Variants in COMMD10 observed in about 807,000 individuals in gnomAD.
COMMD10 encodes the protein COMM domain containing 10.
Under a neutral mutation model 28.9 loss-of-function variants are expected in COMMD10, and 33 were observed. The observed-to-expected ratio is 1.14, with a 90% confidence interval of 0.87 to 1.53. The LOEUF is 1.53. Among genes scored for constraint, COMMD10 ranks in the 40% most tolerant of loss-of-function variants. COMMD10 has a pLI of 0.00. For missense variants in COMMD10, 310 were observed against 233.4 expected (o/e 1.33, Z -2.14); for synonymous variants, 110 against 81.7 (o/e 1.35, Z -1.87).
chr5:116,290,410 G>A (rs1005416236), intron 5 of COMMD10, among the ~76,000 whole-genome samples: 10 of 151,830 alleles, frequency 6.6e-5, no homozygotes, highest in Middle Eastern at 3.2e-3. Context: ...AAGAAGTATG[G>A]AAATTTGATC....
chr5:116,243,349 T>G (rs1203381784), intron 5 of COMMD10, among the ~76,000 whole-genome samples: 1 of 152,140 alleles, frequency 6.6e-6, no homozygotes, highest in African/African-American at 2.4e-5. Context: ...ATTTCACTCT[T>G]TTAAACTGAA....
chr5:116,217,367 C>G (rs1749133507), intron 5 of COMMD10, among the ~76,000 whole-genome samples: 1 of 152,184 alleles, frequency 6.6e-6, no homozygotes, highest in African/African-American at 2.4e-5. Flanking sequence ...CACTATAAAA[C>G]CCAATGAAGT....
intron 5 of COMMD10, among the ~76,000 whole-genome samples, chr5:116,144,545 A>G (rs775187780): frequency 7.2e-5 from 11 of 151,906 alleles, no homozygotes; most frequent in Non-Finnish European, 1.3e-4. Context: ...ATAGTGTTAA[A>G]AAATGAATTT....
intron 4 of COMMD10, 121 bp from the exon 5 acceptor site, chr5:116,133,941 CCTGGAA>C: frequency 3.3e-6 from 2 of 603,264 alleles, no homozygotes; most frequent in Non-Finnish European, 5.9e-6. Flanking sequence ...TTAAAAGAGC[CCTGGAA>C]CTGACTTTCT....
chr5:116,263,292 A>C (rs1015833733), intron 5 of COMMD10, among the ~76,000 whole-genome samples: 2 of 151,780 alleles, frequency 1.3e-5, no homozygotes, highest in African/African-American at 4.9e-5. Context: ...CATGCCCTAC[A>C]AACCATAAAT....
At chr5:116,267,426 C>T (rs954512312) in intron 5 of COMMD10, among the ~76,000 whole-genome samples, 1 of 151,832 alleles carries the variant, frequency 6.6e-6, no homozygotes, top group African/African-American at 2.4e-5. Flanking sequence ...GAACTACAAA[C>T]CACTGCTCAA....
chr5:116,271,031 A>C (rs1037678030), intron 5 of COMMD10, among the ~76,000 whole-genome samples: 3 of 151,550 alleles, frequency 2.0e-5, no homozygotes, highest in Non-Finnish European at 4.4e-5. Context: ...GCAGGAAATC[A>C]CAGGTTTGGT....
intron 5 of COMMD10, among the ~76,000 whole-genome samples, chr5:116,143,672 A>G (rs1201915491): frequency 6.6e-6 from 1 of 151,874 alleles, no homozygotes; most frequent in Middle Eastern, 3.2e-3. Flanking sequence ...TAAATGAATA[A>G]TATAAATATT....
chr5:116,204,673 C>T (rs764514950), intron 5 of COMMD10, among the ~76,000 whole-genome samples: 1 of 152,114 alleles, frequency 6.6e-6, no homozygotes, highest in Non-Finnish European at 1.5e-5. Context: ...CTCATTGACA[C>T]TTAATATGCT....
At chr5:116,204,598 C>T (rs1413980707) in intron 5 of COMMD10, among the ~76,000 whole-genome samples, 1 of 152,082 alleles carries the variant, frequency 6.6e-6, no homozygotes, top group Non-Finnish European at 1.5e-5. Context: ...AGCAATCTGC[C>T]TTTCCCCTTT....
chr5:116,125,720 C>T (rs188550105), intron 4 of COMMD10, among the ~76,000 whole-genome samples: 1 of 152,044 alleles, frequency 6.6e-6, no homozygotes, highest in African/African-American at 2.4e-5. Flanking sequence ...TTCACATAGT[C>T]CCATATTTTT....
rs750278039 is a variant in COMMD10, at chr5:116,091,224, T to G, written c.243+35T>G. 6.1e-6 allele frequency: 7 copies of G among 1,153,884 alleles called. No individual in the cohort carries two copies. In the Admixed American group the frequency reaches 1.1e-4, roughly 18 times the overall value. 71.5% of individuals were successfully genotyped at this position (1,153,884 alleles called of 1,614,324 possible). On this transcript the variant is annotated intron_variant, in intron 3 of 6. Transcript: ENST00000274458. ...TTGCATCAAATTTTCTAGCCATGAT[T>G]TGTTTACTACATATTTGTATTGTTA... is the stretch of plus-strand genomic sequence containing the variant.
intron 5 of COMMD10, among the ~76,000 whole-genome samples, chr5:116,139,381 A>ATGTCT (rs58784818): frequency 0.82 from 123,697 of 150,906 alleles, 50,857 homozygotes; most frequent in African/African-American, 0.84. Context: ...AATGATGTTG[A>ATGTCT]TGTGAGCAAA....
chr5:116,247,415 C>T (rs574112522), intron 5 of COMMD10, among the ~76,000 whole-genome samples: 1 of 152,144 alleles, frequency 6.6e-6, no homozygotes, highest in East Asian at 1.9e-4. Context: ...GTGGTGATTC[C>T]TTGAAGACCT....
At chr5:116,085,188 CGCG>C (rs765991131) in intron 1 of COMMD10, 95 bp downstream of exon 1, 14 of 448,922 alleles carry the variant, frequency 3.1e-5, no homozygotes, top group Non-Finnish European at 5.4e-5. Context: ...GCCTGGGCGC[CGCG>C]GCGGGCCCGG....
At chr5:116,271,596 A>T (rs984394404) in intron 5 of COMMD10, among the ~76,000 whole-genome samples, 1 of 151,726 alleles carries the variant, frequency 6.6e-6, no homozygotes, top group Non-Finnish European at 1.5e-5. Context: ...AGTATGGAAG[A>T]TCAACATTTA....
chr5:116,145,451 T>G (rs1208219599), intron 5 of COMMD10, among the ~76,000 whole-genome samples: 1 of 151,712 alleles, frequency 6.6e-6, no homozygotes, highest in Non-Finnish European at 1.5e-5. Flanking sequence ...TGTCTGTGTC[T>G]ATGAAAGAGT....
intron 5 of COMMD10, among the ~76,000 whole-genome samples, chr5:116,225,267 A>G (rs956633639): frequency 1.3e-5 from 2 of 151,192 alleles, no homozygotes; most frequent in Admixed American, 1.3e-4. Context: ...GCTAAATTCA[A>G]TGTCTGAGCC....
intron 4 of COMMD10, among the ~76,000 whole-genome samples, chr5:116,117,731 A>G (rs1424021229): frequency 2.0e-5 from 3 of 152,038 alleles, no homozygotes; most frequent in South Asian, 4.1e-4. Context: ...CTCCCAAAAT[A>G]CTAGGATTAC....
Sources: gnomAD v4.1 joint callset for allele counts (sites outside exome capture counted in the v4.1 genomes callset) on GRCh38, gnomAD v4.1.1 for gene constraint, MANE v1.5 for transcripts, NCBI Gene and HGNC (gene_info 2026-07-23, HGNC 2026-07-21) for gene names.